CTNNA3: variants seen among roughly 807,000 people sequenced by gnomAD.
CTNNA3 encodes catenin alpha-3.
A neutral mutation model predicts 95.7 loss-of-function variants in CTNNA3; 76 were observed. The observed-to-expected ratio is 0.79, with a 90% CI of 0.66 to 0.96. The LOEUF is 0.96. Among genes scored for constraint, CTNNA3 ranks in the 40% least tolerant of loss-of-function variants. The pLI is 0.00. For synonymous variants in CTNNA3, 431 were observed against 374.4 expected (o/e 1.15, Z -1.74); for missense variants, 1,191 against 1,089.8 (o/e 1.09, Z -1.31).
intron 13 of CTNNA3, among the ~76,000 whole-genome samples, chr10:66,213,898 G>A (rs1016359539): frequency 2.0e-5 from 3 of 152,176 alleles, no homozygotes; most frequent in African/African-American, 7.2e-5. Flanking sequence ...TCCCTTAGAA[G>A]TGCTTCAAGA....
At chr10:67,349,158 A>T (rs957702790) in intron 5 of CTNNA3, among the ~76,000 whole-genome samples, 45 of 152,276 alleles carry the variant, frequency 3.0e-4, no homozygotes, top group African/African-American at 1.1e-3. Flanking sequence ...TTTTTTTAAA[A>T]ATTAAAAATA....
intron 7 of CTNNA3, 30 bp from the exon 8 acceptor site, chr10:66,775,554 T>C (rs773766445): frequency 6.8e-7 from 1 of 1,468,978 alleles, no homozygotes; most frequent in Non-Finnish European, 9.4e-7. Context: ...ACATAAGCAA[T>C]GGTATCAATT....
chr10:66,928,746 ATTTGT>A lies in CTNNA3; in HGVS notation c.1048-153227_1048-153223del, dbSNP rs1847214731. Reference sequence around the variant, plus strand: ...CCTTTACTGATTCCATTAATGTCGCATTTGTTTTAAGATAAAACTTCTTTCATAAG... The same window carrying A: ...CCTTTACTGATTCCATTAATGTCGCATTTAAGATAAAACTTCTTTCATAAG... On this transcript the variant is annotated intron_variant, in intron 7 of 17. Transcript: ENST00000433211. Among the ~76,000 whole-genome samples the A allele has an allele frequency of 3.3e-5, 5 of 152,348 alleles. No homozygotes were observed. The South Asian group carries it at 1.0e-3, about 32-fold the overall frequency.
chr10:67,066,719 A>G (rs1856114872), intron 7 of CTNNA3, among the ~76,000 whole-genome samples: 1 of 151,946 alleles, frequency 6.6e-6, no homozygotes. Context: ...TCTGCCTTCT[A>G]CTCTTTATAT....
chr10:66,043,982 GTGTGTGTGTGTGTT>G (rs1262526090), intron 15 of CTNNA3, among the ~76,000 whole-genome samples: 1 of 148,048 alleles, frequency 6.8e-6, no homozygotes, highest in Non-Finnish European at 1.5e-5. Context: ...GTGTGTGTGT[GTGTGTGTGTGTGTT>G]TGTGTGTGTC....
intron 11 of CTNNA3, among the ~76,000 whole-genome samples, chr10:66,509,556 G>A (rs528068908): frequency 2.0e-5 from 3 of 151,702 alleles, no homozygotes; most frequent in Non-Finnish European, 2.9e-5. Flanking sequence ...AGTGAGAGAT[G>A]GTCTTCTAGT....
At chr10:65,925,061 C>T (rs1425376468) in intron 17 of CTNNA3, among the ~76,000 whole-genome samples, 2 of 152,172 alleles carry the variant, frequency 1.3e-5, no homozygotes, top group Non-Finnish European at 2.9e-5. Flanking sequence ...GGACACAAAG[C>T]CAAACCACAA....
At chr10:67,613,801 C>A (rs781325202) in intron 2 of CTNNA3, among the ~76,000 whole-genome samples, 9 of 151,586 alleles carry the variant, frequency 5.9e-5, no homozygotes, top group African/African-American at 1.4e-4. Context: ...GGTTCCCCAA[C>A]CTTTTTGGTA....
intron 12 of CTNNA3, among the ~76,000 whole-genome samples, chr10:66,297,139 A>G (rs1312246946): frequency 6.6e-6 from 1 of 152,148 alleles, no homozygotes; most frequent in Non-Finnish European, 1.5e-5. Flanking sequence ...CTTACACTAG[A>G]AAGAGAAGAA....
intron 10 of CTNNA3, among the ~76,000 whole-genome samples, chr10:66,607,808 A>C (rs1844182756): frequency 1.3e-5 from 2 of 152,148 alleles, no homozygotes; most frequent in Non-Finnish European, 2.9e-5. Context: ...TCAAAATAAT[A>C]ACAGTCATCT....
At chr10:66,009,413 A>T (rs1188025552) in intron 15 of CTNNA3, among the ~76,000 whole-genome samples, 1 of 152,216 alleles carries the variant, frequency 6.6e-6, no homozygotes, top group African/African-American at 2.4e-5. Flanking sequence ...AGCACCACAG[A>T]CAACCCTTTA....
At position 67,291,700 on chromosome 10, in the gene CTNNA3, C is replaced by T. The variant is rs570915413; in HGVS notation, c.580-71830G>A. Among the ~76,000 whole-genome samples the T allele has an allele frequency of 1.3e-4, 20 of 152,238 alleles. 1 individual carries two copies. In the South Asian group the frequency reaches 4.1e-3, roughly 32 times the overall value. On this transcript the variant is annotated intron_variant, in intron 5 of 17. Coordinates refer to ENST00000433211, the MANE Select transcript of CTNNA3 (RefSeq NM_013266.4). ...TTGTTTAAAAGGCCACACCGCCACT[C>T]ACACACAAAAAGAAAGCTTTGCATA... is the stretch of plus-strand genomic sequence containing the variant.
At chr10:67,683,984 G>C (rs75562691) in intron 1 of CTNNA3, among the ~76,000 whole-genome samples, 1 of 152,230 alleles carries the variant, frequency 6.6e-6, no homozygotes, top group African/African-American at 2.4e-5. Flanking sequence ...CCCAAAGAGT[G>C]AGCAACAGCA....
In CTNNA3 at chr10:67,347,746, T is replaced by A. The variant is rs143429046; in HGVS notation, c.580-127876A>T. 5.4e-3 allele frequency among the ~76,000 whole-genome samples: 815 copies of A among 150,314 alleles called. 20 individuals carry two copies. Among genetic ancestry groups the A allele is most frequent in the East Asian group, 0.018 (93 of 5,118 alleles). On this transcript the variant is annotated intron_variant, in intron 5 of 17. Transcript: ENST00000433211. ...TGTATCCAGAAAAATCTGGTTTTTT[T>A]AATCAAGAGAATCCACTCAAGAGAC... is the stretch of plus-strand genomic sequence containing the variant.
chr10:67,555,398 C>A (rs1014562070), intron 3 of CTNNA3, among the ~76,000 whole-genome samples: 6 of 152,010 alleles, frequency 3.9e-5, no homozygotes, highest in Non-Finnish European at 7.4e-5. Context: ...ATGGAATGTT[C>A]TTCCATTTGT....
intron 7 of CTNNA3, among the ~76,000 whole-genome samples, chr10:67,070,485 G>T (rs1010846478): frequency 6.6e-6 from 1 of 151,826 alleles, no homozygotes; most frequent in Non-Finnish European, 1.5e-5. Context: ...GCAGTGTCTC[G>T]TGCCTGTAAT....
intron 7 of CTNNA3, among the ~76,000 whole-genome samples, chr10:66,886,760 T>C (rs1845060328): frequency 6.6e-6 from 1 of 152,122 alleles, no homozygotes; most frequent in Non-Finnish European, 1.5e-5. Context: ...CTTACCCCAT[T>C]TCAGACTGGC....
chr10:66,440,354 AT>A (rs1404582210), intron 11 of CTNNA3, among the ~76,000 whole-genome samples: 1 of 151,890 alleles, frequency 6.6e-6, no homozygotes, highest in Non-Finnish European at 1.5e-5. Flanking sequence ...TTCTAGTGAA[AT>A]TTTTTTATTG....
At chr10:66,610,274 A>G (rs368713594) in intron 10 of CTNNA3, among the ~76,000 whole-genome samples, 3,397 of 152,086 alleles carry the variant, frequency 0.022, 149 homozygotes, top group African/African-American at 0.077. Flanking sequence ...GCAATGCTTC[A>G]GGCCCCGTGA....
Sources: allele counts gnomAD v4.1 joint callset (sites outside exome capture counted in the v4.1 genomes callset), GRCh38; gene constraint gnomAD v4.1.1; transcripts MANE v1.5; gene names NCBI Gene and HGNC (gene_info 2026-07-23, HGNC 2026-07-21).